The following CTNNA2 variants were observed in gnomAD, a reference collection of about 807,000 sequenced individuals.
The protein encoded by CTNNA2 is catenin alpha-2.
Under a neutral mutation model 101.0 loss-of-function variants are expected in CTNNA2, and 42 were observed. The ratio of observed to expected loss-of-function variants is 0.42; its 90% CI spans 0.32 to 0.54. CTNNA2 has a LOEUF of 0.54. CTNNA2 is among the 20% of genes least tolerant of loss of function. The probability of loss-of-function intolerance (pLI) is 0.14; values close to 1 mark genes in which losing one functional copy is unlikely to be tolerated. For synonymous variants in CTNNA2, 450 were observed against 456.4 expected, an observed-to-expected ratio of 0.99 and a Z score of 0.18; for missense variants, 871 against 1,223.1, an observed-to-expected ratio of 0.71 and a Z score of 4.29.
chr2:80,263,912 C>T (rs1672808245), intron 7 of CTNNA2, among the ~76,000 whole-genome samples: 1 of 152,168 alleles, frequency 6.6e-6, no homozygotes, highest in Non-Finnish European at 1.5e-5. Context: ...CTTTTGAAAG[C>T]AATGCATTAT....
chr2:79,241,863 A>G lies in CTNNA2; in HGVS notation c.-406+43787A>G, dbSNP rs189454638. Among the ~76,000 whole-genome samples the G allele has an allele frequency of 5.3e-5, 8 of 151,740 alleles. No homozygotes were observed. The East Asian group carries it at 1.2e-3, about 22-fold the overall frequency. On this transcript the variant is annotated intron_variant, in intron 2 of 21. Coordinates refer to the CTNNA2 transcript ENST00000466387. Reference sequence around the variant, plus strand: ...TTAGGAGACTAACACCTATAAAAACAGCATCGAATCACATTTGGGTATTTT... The same window carrying G: ...TTAGGAGACTAACACCTATAAAAACGGCATCGAATCACATTTGGGTATTTT...
intron 2 of CTNNA2, among the ~76,000 whole-genome samples, chr2:79,654,821 C>T (rs1681498150): frequency 1.3e-5 from 2 of 152,104 alleles, no homozygotes; most frequent in African/African-American, 4.8e-5. Flanking sequence ...ATATGCTTAC[C>T]TAATACTGAT....
chr2:80,511,815 C>T (rs558477666), intron 9 of CTNNA2, among the ~76,000 whole-genome samples: 38 of 152,138 alleles, frequency 2.5e-4, no homozygotes, highest in Non-Finnish European at 5.3e-4. Context: ...AGTAGAGCAT[C>T]TCCTATAGTC....
chr2:80,036,422 A>T (rs1415048943), intron 7 of CTNNA2, among the ~76,000 whole-genome samples: 2 of 152,110 alleles, frequency 1.3e-5, no homozygotes, highest in Non-Finnish European at 2.9e-5. Flanking sequence ...GCAATACCCC[A>T]TCTCTACAGA....
rs747225859 is a variant in CTNNA2 at position 80,574,356 on chromosome 2, A to G, written c.1893+42A>G. 2.0e-6 allele frequency: 3 copies of G among 1,514,622 alleles called. No homozygotes were observed. The South Asian group carries it at 3.9e-5, about 20-fold the overall frequency. 93.8% of individuals were successfully genotyped at this position (1,514,622 alleles called of 1,614,324 possible). A position where few individuals can be genotyped will look rare whatever the true frequency, so the allele number is the denominator to read the frequency against. On this transcript the variant is annotated intron_variant, in intron 13 of 18. Transcript: ENST00000402739. ...TAGCTCAGAGCTGGTCAGATCTCCT[A>G]GTAGGAAACTAAAGAGCTAACTGTC...
chr2:79,220,959 A>G (rs983946242), intron 2 of CTNNA2, among the ~76,000 whole-genome samples: 1 of 152,238 alleles, frequency 6.6e-6, no homozygotes, highest in Non-Finnish European at 1.5e-5. Context: ...AAACATTGAG[A>G]TTGAACTCAT....
chr2:80,631,337 G>A (rs1672266124), intron 18 of CTNNA2, among the ~76,000 whole-genome samples: 1 of 148,320 alleles, frequency 6.7e-6, no homozygotes, highest in Non-Finnish European at 1.5e-5. Flanking sequence ...ATGAACTTGA[G>A]GCTTTCTTTC....
At chr2:79,671,038 G>A (rs544168682) in intron 2 of CTNNA2, among the ~76,000 whole-genome samples, 1 of 152,320 alleles carries the variant, frequency 6.6e-6, no homozygotes, top group South Asian at 2.1e-4. Context: ...AAGCAAGAAT[G>A]CGACTGTTAA....
chr2:80,172,674 T>C (rs964905464), intron 7 of CTNNA2, among the ~76,000 whole-genome samples: 2 of 152,172 alleles, frequency 1.3e-5, no homozygotes, highest in Non-Finnish European at 2.9e-5. Flanking sequence ...AAGTCTGAGA[T>C]CAAGGTGTTA....
chr2:79,622,140 A>G (rs1189338366), intron 1 of CTNNA2, among the ~76,000 whole-genome samples: 1 of 152,230 alleles, frequency 6.6e-6, no homozygotes, highest in Non-Finnish European at 1.5e-5. Context: ...CTCCTTAAGA[A>G]TGGCAAAGTC....
rs753633073 is a variant in CTNNA2 at position 79,311,408 on chromosome 2, C to CAAAAAAAAA, written c.-405-1287_-405-1279dup. On this transcript the variant is annotated intron_variant, in intron 2 of 21. Transcript: ENST00000466387. The stretch of plus-strand genomic sequence containing the variant: ...TGGGCGACAGGGCTAGACTCCGTCT[C>CAAAAAAAAA]AAAAAAAAAAAAAAAAAAAAAAGAG... Among the ~76,000 whole-genome samples, 38 of 67,040 alleles carry CAAAAAAAAA rather than the reference C, an allele frequency of 5.7e-4. 2 individuals carry two copies. The highest frequency in any genetic ancestry group is 1.2e-3 in the African/African-American group (22 of 18,798). 44.0% of individuals were successfully genotyped at this position (67,040 alleles called of 152,430 possible). A position where few individuals can be genotyped will look rare whatever the true frequency, so the allele number is the denominator to read the frequency against.
chr2:79,415,156 T>C (rs113732940), intron 4 of CTNNA2, among the ~76,000 whole-genome samples: 53 of 152,234 alleles, frequency 3.5e-4, no homozygotes, highest in African/African-American at 1.3e-3. Flanking sequence ...CCCTCATGAA[T>C]GGCTTCTTGC....
At chr2:79,728,063 C>A (rs1686968408) in intron 2 of CTNNA2, among the ~76,000 whole-genome samples, 1 of 152,230 alleles carries the variant, frequency 6.6e-6, no homozygotes, top group East Asian at 1.9e-4. Context: ...TTTATAGCAG[C>A]ATGATTTGTA....
rs141767218 is a variant in CTNNA2, at chr2:79,684,022, A to AG, written c.102+32369dup. Reference sequence around the variant, plus strand: ...TTCCTACTCCATACCACTGAAGGAGAGGGGGCAGTCTGAACCCAGGGTGTA... The same window carrying AG: ...TTCCTACTCCATACCACTGAAGGAGAGGGGGGCAGTCTGAACCCAGGGTGTA... On this transcript the variant is annotated intron_variant, in intron 2 of 18. Coordinates refer to ENST00000402739, the MANE Select transcript of CTNNA2 (RefSeq NM_001282597.3). Among the ~76,000 whole-genome samples, 561 of 152,178 alleles carry AG rather than the reference A, an allele frequency of 3.7e-3. 4 individuals carry two copies. The highest frequency in any genetic ancestry group is 0.013 in the African/African-American group (538 of 41,526).
At position 79,805,272 on chromosome 2, in the gene CTNNA2, C is replaced by T. The variant is rs550888172; in HGVS notation, c.299-52741C>T. ...ACATTTTTAGATTTTGAAATATTTG[C>T]ATTATATAATGGGATAGCTTAAGGA... On this transcript the variant is annotated intron_variant, in intron 3 of 18. Transcript: ENST00000402739. 6.4e-4 allele frequency among the ~76,000 whole-genome samples: 98 copies of T among 152,224 alleles called. 2 individuals carry two copies. Among genetic ancestry groups the T allele is most frequent in the African/African-American group, 2.1e-3 (87 of 41,540 alleles).
chr2:79,474,726 A>G lies in CTNNA2; in HGVS notation c.-134-30328A>G, dbSNP rs990641866. ...TTCCAAACGAAATTATTATGAGTCT[A>G]GAATCAGAAGTGTGGTTTAAAATAG... On this transcript the variant is annotated intron_variant, in intron 4 of 21. Transcript: ENST00000466387. Among the ~76,000 whole-genome samples the G allele has an allele frequency of 3.9e-5, 6 of 152,330 alleles. No homozygotes were observed. In the East Asian group the frequency reaches 5.8e-4, roughly 15 times the overall value.
At chr2:79,523,188 AT>A (rs2103885292) in intron 1 of CTNNA2, 2 of 401,874 alleles carry the variant, frequency 5.0e-6, no homozygotes, top group East Asian at 7.3e-5. Flanking sequence ...TAAGTATTCA[AT>A]TTTTGGCTGT....
At chr2:79,629,199 G>T (rs368885018) in intron 1 of CTNNA2, among the ~76,000 whole-genome samples, 6 of 152,134 alleles carry the variant, frequency 3.9e-5, no homozygotes, top group East Asian at 1.9e-4. Flanking sequence ...AAGATAAATT[G>T]CTGGGAGTTG....
At chr2:80,447,533 C>T (rs559710978) in intron 9 of CTNNA2, among the ~76,000 whole-genome samples, 1 of 152,278 alleles carries the variant, frequency 6.6e-6, no homozygotes, top group Admixed American at 6.5e-5. Flanking sequence ...ACAGAATGTC[C>T]TGTATGCACA....
Sources: gnomAD v4.1 joint callset for allele counts (sites outside exome capture counted in the v4.1 genomes callset) on GRCh38, gnomAD v4.1.1 for gene constraint, MANE v1.5 for transcripts, NCBI Gene and HGNC (gene_info 2026-07-23, HGNC 2026-07-21) for gene names.